CYFIP1: variants seen among roughly 807,000 people sequenced by gnomAD.
The protein encoded by CYFIP1 is cytoplasmic FMR1 interacting protein 1, also known as cytoplasmic FMR1-interacting protein 1.
CYFIP1 carries 58 observed loss-of-function variants against 163.5 expected under a neutral mutation model. The observed-to-expected ratio is 0.35, with a 90% CI of 0.29 to 0.44. The LOEUF is 0.44. Among genes scored for constraint, CYFIP1 ranks in the 20% least tolerant of loss-of-function variants. CYFIP1 has a pLI of 1.00. For synonymous variants in CYFIP1, 663 were observed against 660.7 expected (o/e 1.00, Z -0.05); for missense variants, 1,338 against 1,653.8 (o/e 0.81, Z 3.31).
At chr15:22,969,630 C>T (rs1245966450) in intron 1 of CYFIP1, among the ~76,000 whole-genome samples, 1 of 152,078 alleles carries the variant, frequency 6.6e-6, no homozygotes, top group East Asian at 1.9e-4. Context: ...GAACAAATAA[C>T]AAAATGACAG....
At chr15:22,944,100 G>A (rs1361491690) in intron 5 of CYFIP1, among the ~76,000 whole-genome samples, 2 of 151,938 alleles carry the variant, frequency 1.3e-5, no homozygotes, top group Non-Finnish European at 2.9e-5. Flanking sequence ...TTAGCTGGGC[G>A]TGGTGGCGGG....
intron 14 of CYFIP1, among the ~76,000 whole-genome samples, 160 bp from the exon 15 acceptor site, chr15:22,918,095 A>G (rs1268428834): frequency 2.0e-5 from 3 of 152,208 alleles, no homozygotes; most frequent in African/African-American, 7.2e-5. Flanking sequence ...GGACCAGCTC[A>G]ACAGGAAAGT....
At chr15:22,925,843 T>C in intron 13 of CYFIP1, 139 bp downstream of exon 13, 1 of 1,273,312 alleles carries the variant, frequency 7.9e-7, no homozygotes, top group Non-Finnish European at 1.1e-6. Flanking sequence ...CTACTCTGAC[T>C]ACTCTGCCAG....
At chr15:22,891,102 A>G (rs1184136535) in intron 23 of CYFIP1, among the ~76,000 whole-genome samples, 2 of 89,642 alleles carry the variant, frequency 2.2e-5, no homozygotes, top group South Asian at 5.4e-4. Context: ...AATTGCCATC[A>G]TAACATTGCT....
intron 1 of CYFIP1, among the ~76,000 whole-genome samples, chr15:22,979,115 G>A (rs2063378488): frequency 6.6e-6 from 1 of 152,198 alleles, no homozygotes; most frequent in Non-Finnish European, 1.5e-5. Context: ...CTCGGTCGCA[G>A]TGAGGGCACC....
Position 22,903,824 on chromosome 15 carries a change from T to G in CYFIP1, c.2470A>C (p.Met824Leu). ...ACGTTGTGGTTGGCCTCCCGGAACATGGCGTCGAAGCCGTCCAGCGTCAGG... is the reference window on the plus strand; with the variant it reads ...ACGTTGTGGTTGGCCTCCCGGAACAGGGCGTCGAAGCCGTCCAGCGTCAGG... ...RYLTLDGFDA[M>L]FREANHNVSA... The change falls in exon 22 of 31, where the codon ATG (methionine) becomes CTG (leucine). Residue 824 changes from methionine to leucine, a missense_variant. Around this residue, in one of 4 missense-constraint regions of CYFIP1, gnomAD observed 824 missense variants for 995.7 expected, o/e 0.83. Coordinates refer to ENST00000617928, the MANE Select transcript of CYFIP1 (RefSeq NM_014608.6). 6.2e-7 allele frequency: 1 copy of G among 1,614,180 alleles called. No individual in the cohort carries two copies. The highest frequency in any genetic ancestry group is 2.2e-5 in the East Asian group (1 of 44,876).
intron 9 of CYFIP1, among the ~76,000 whole-genome samples, chr15:22,934,185 T>C (rs1392182894): frequency 1.7e-5 from 2 of 121,062 alleles, no homozygotes; most frequent in Non-Finnish European, 3.4e-5. Context: ...TTCTTTTTTT[T>C]TTTTTTTTTT....
chr15:22,966,469 G>A (rs1279393657), intron 1 of CYFIP1, among the ~76,000 whole-genome samples: 2 of 151,676 alleles, frequency 1.3e-5, no homozygotes, highest in East Asian at 3.9e-4. Context: ...GCAAGCCAAG[G>A]AGACAGGCCA....
At chr15:22,933,535 C>T (rs190772113) in intron 10 of CYFIP1, among the ~76,000 whole-genome samples, 3,064 of 151,012 alleles carry the variant, frequency 0.02, 41 homozygotes, top group Middle Eastern at 0.055. Context: ...AGGATGGTCT[C>T]GATCTCCTGA....
At chr15:22,885,283 T>C (rs2059899641) in intron 23 of CYFIP1, among the ~76,000 whole-genome samples, 1 of 152,192 alleles carries the variant, frequency 6.6e-6, no homozygotes, top group African/African-American at 2.4e-5. Flanking sequence ...ATGTACCACG[T>C]ATCTCTAGGG....
chr15:22,896,226 C>T (rs1184127329), intron 22 of CYFIP1, among the ~76,000 whole-genome samples: 3 of 152,106 alleles, frequency 2.0e-5, no homozygotes, highest in Admixed American at 6.6e-5. Flanking sequence ...ATATCCTAAG[C>T]CCCCACTGCA....
At chr15:22,934,156 A>G (rs901354754) in intron 9 of CYFIP1, among the ~76,000 whole-genome samples, 12 of 150,130 alleles carry the variant, frequency 8.0e-5, no homozygotes, top group Admixed American at 1.3e-4. Flanking sequence ...CATAAAAAAA[A>G]AAAAATCACT....
At chr15:22,959,864 G>T (rs931221988) in intron 1 of CYFIP1, among the ~76,000 whole-genome samples, 6 of 152,162 alleles carry the variant, frequency 3.9e-5, no homozygotes, top group African/African-American at 1.4e-4. Context: ...CTACACGGCA[G>T]CCACCAGATC....
chr15:22,913,914 A>T (rs879472424), intron 17 of CYFIP1, among the ~76,000 whole-genome samples: 1 of 152,180 alleles, frequency 6.6e-6, no homozygotes, highest in Non-Finnish European at 1.5e-5. Flanking sequence ...ACCACAAGGG[A>T]TGTGTGAGGA....
intron 10 of CYFIP1, 99 bp from the exon 11 acceptor site, chr15:22,932,439 A>G (rs1566991399): frequency 1.5e-6 from 1 of 672,146 alleles, no homozygotes; most frequent in Non-Finnish European, 2.4e-6. Flanking sequence ...AGCCACACAA[A>G]TGGCTTTTAT....
chr15:22,958,193 T>G, intron 1 of CYFIP1, among the ~76,000 whole-genome samples: 1 of 152,032 alleles, frequency 6.6e-6, no homozygotes, highest in South Asian at 2.1e-4. Context: ...TCAAGCAATT[T>G]TCCTGCCTCA....
intron 1 of CYFIP1, among the ~76,000 whole-genome samples, chr15:22,965,287 C>T (rs538656735): frequency 1.3e-5 from 2 of 152,250 alleles, no homozygotes; most frequent in East Asian, 1.9e-4. Flanking sequence ...GGTGAAACCT[C>T]GTCTCTACTA....
At chr15:22,890,719 CGG>C (rs2060055048) in intron 23 of CYFIP1, among the ~76,000 whole-genome samples, 9 of 122,254 alleles carry the variant, frequency 7.4e-5, no homozygotes, top group African/African-American at 2.8e-4. Context: ...AGGGGCACAG[CGG>C]AGGCCGCACC....
Position 22,870,192 on chromosome 15 carries a change from G to A in CYFIP1, c.3598C>T (p.Pro1200Ser). ...DGKDEIIKNVPLKKMVERIRK... is the reference protein window; with the variant it reads ...DGKDEIIKNVSLKKMVERIRK... ...ATTCTCTCCACCATCTTCTTCAAAGGCTACAACCATCAAAGTGAGGATGTT... is the reference window on the plus strand; with the variant it reads ...ATTCTCTCCACCATCTTCTTCAAAGACTACAACCATCAAAGTGAGGATGTT... Residue 1200 changes from proline to serine, a missense_variant and splice_region_variant, in exon 31 of 31, where the codon CCT becomes TCT. By Grantham distance (74) the Pro-to-Ser change is moderately conservative (BLOSUM62 -1). This residue lies in a region of CYFIP1 where 306 missense variants were observed against 322.1 expected (regional missense o/e 0.95). Transcript: ENST00000617928. The A allele has an allele frequency of 6.2e-7, 1 of 1,604,436 alleles. No individual in the cohort carries two copies. The highest frequency in any genetic ancestry group is 8.5e-7 in the Non-Finnish European group (1 of 1,176,574).
Sources: gnomAD v4.1 joint callset for allele counts (sites outside exome capture counted in the v4.1 genomes callset) on GRCh38, gnomAD v4.1.1 for gene constraint, gnomAD v4.1.1 regional missense constraint, MANE v1.5 for transcripts, NCBI Gene and HGNC (gene_info 2026-07-23, HGNC 2026-07-21) for gene names.